Variants in RBMS1 observed in about 807,000 individuals in gnomAD.
The protein encoded by RBMS1 is RNA-binding motif, single-stranded-interacting protein 1.
RBMS1 carries 17 observed loss-of-function variants against 62.3 expected under a neutral mutation model. The ratio of observed to expected loss-of-function variants is 0.27; its 90% confidence interval spans 0.19 to 0.41. The LOEUF is 0.41. Among genes scored for constraint, RBMS1 ranks in the 10% least tolerant of loss-of-function variants. The pLI is 1.00. For missense variants in RBMS1, 334 were observed against 504.5 expected (o/e 0.66, Z 3.24); for synonymous variants, 172 against 170.0 (o/e 1.01, Z -0.09).
intron 2 of RBMS1, among the ~76,000 whole-genome samples, chr2:160,343,979 T>C (rs1692035208): frequency 1.3e-5 from 2 of 152,168 alleles, no homozygotes; most frequent in Non-Finnish European, 2.9e-5. Context: ...CTACTCTTTG[T>C]TGGCCAAATA....
At chr2:160,318,248 A>C in intron 2 of RBMS1, 21 bp from the exon 3 acceptor site, 1 of 1,515,740 alleles carries the variant, frequency 6.6e-7, no homozygotes, top group Non-Finnish European at 8.7e-7. Context: ...AAAAAAAAAA[A>C]AAAAGGAAAA....
intron 1 of RBMS1, among the ~76,000 whole-genome samples, chr2:160,449,067 C>G (rs948631112): frequency 1.1e-4 from 16 of 151,264 alleles, no homozygotes; most frequent in African/African-American, 3.9e-4. Flanking sequence ...GCAGCTGCCC[C>G]GTCTGGGAAG....
intron 1 of RBMS1, among the ~76,000 whole-genome samples, chr2:160,476,549 TTC>T (rs1491585326): frequency 1.5e-5 from 2 of 131,246 alleles, no homozygotes; most frequent in African/African-American, 5.3e-5. Flanking sequence ...CAAAACACAC[TTC>T]TTTTTTTTTT....
At chr2:160,301,270 T>C (rs1167641546) in intron 5 of RBMS1, among the ~76,000 whole-genome samples, 1 of 152,220 alleles carries the variant, frequency 6.6e-6, no homozygotes, top group Non-Finnish European at 1.5e-5. Context: ...AACTATATAC[T>C]TTCTTTGTCA....
At chr2:160,443,075 G>T (rs1018113303) in intron 1 of RBMS1, among the ~76,000 whole-genome samples, 1 of 151,888 alleles carries the variant, frequency 6.6e-6, no homozygotes, top group Admixed American at 6.6e-5. Context: ...GTGTGGTGGC[G>T]GGCACCTGTA....
intron 1 of RBMS1, chr2:160,492,927 C>CCAG (rs896984512): frequency 1.8e-5 from 4 of 219,804 alleles, no homozygotes; most frequent in African/African-American, 9.2e-5. Flanking sequence ...AGCCGGGCCA[C>CCAG]CAGCGGATCC....
At chr2:160,332,820 A>G (rs1691352204) in intron 2 of RBMS1, among the ~76,000 whole-genome samples, 1 of 151,324 alleles carries the variant, frequency 6.6e-6, no homozygotes, top group Non-Finnish European at 1.5e-5. Flanking sequence ...GCTTCTTTAC[A>G]TGACATGGTT....
rs370992536 is a variant in RBMS1 at position 160,398,791 on chromosome 2, A to G, written c.76-31400T>C. Among the ~76,000 whole-genome samples the G allele has an allele frequency of 3.9e-5, 6 of 152,100 alleles. No individual in the cohort carries two copies. The South Asian group carries it at 8.3e-4, about 21-fold the overall frequency. The stretch of plus-strand genomic sequence containing the variant: ...GTTGCAGTAACTTTTCATTTTCCCA[A>G]TCATTTACGACTAGAAGCCTACGAT... On this transcript the variant is annotated intron_variant, in intron 1 of 13. Transcript: ENST00000348849.
chr2:160,288,279 C>A (rs560144157), intron 6 of RBMS1, among the ~76,000 whole-genome samples: 1 of 152,246 alleles, frequency 6.6e-6, no homozygotes, highest in African/African-American at 2.4e-5. Flanking sequence ...TAAATAACCA[C>A]GAAGAGAAAA....
At chr2:160,307,324 G>A (rs888801493) in intron 4 of RBMS1, among the ~76,000 whole-genome samples, 2 of 145,732 alleles carry the variant, frequency 1.4e-5, no homozygotes, top group African/African-American at 5.1e-5. Context: ...ATGGAGAGGG[G>A]GGATTATATT....
At chr2:160,300,569 TC>T in intron 6 of RBMS1, 81 bp downstream of exon 6, 1 of 1,415,924 alleles carries the variant, frequency 7.1e-7, no homozygotes, top group Non-Finnish European at 9.2e-7. Flanking sequence ...GGGTTTTTGT[TC>T]TATTGAAGAG....
intron 1 of RBMS1, among the ~76,000 whole-genome samples, chr2:160,466,823 C>T (rs918994641): frequency 3.9e-5 from 6 of 152,130 alleles, no homozygotes; most frequent in Admixed American, 6.5e-5. Flanking sequence ...TGAAGTGTGA[C>T]GGAGGTTTCA....
At chr2:160,405,794 G>A (rs1695673649) in intron 1 of RBMS1, among the ~76,000 whole-genome samples, 1 of 152,050 alleles carries the variant, frequency 6.6e-6, no homozygotes, top group South Asian at 2.1e-4. Context: ...CAAAGGCCTC[G>A]CCCTCAGAGC....
chr2:160,316,490 G>A (rs977538246), intron 3 of RBMS1, among the ~76,000 whole-genome samples: 1 of 152,102 alleles, frequency 6.6e-6, no homozygotes, highest in Non-Finnish European at 1.5e-5. Flanking sequence ...TCTCTACTAT[G>A]GACCCTTACC....
At chr2:160,363,115 A>G (rs2106019729) in intron 2 of RBMS1, among the ~76,000 whole-genome samples, 1 of 152,304 alleles carries the variant, frequency 6.6e-6, no homozygotes, top group South Asian at 2.1e-4. Context: ...ACAATTTTTG[A>G]TAATAGCGTT....
At chr2:160,281,244 G>T in intron 10 of RBMS1, 70 bp downstream of exon 10, 1 of 1,273,164 alleles carries the variant, frequency 7.9e-7, no homozygotes, top group Non-Finnish European at 1.1e-6. Flanking sequence ...TTGGCAAATG[G>T]TTTTAACCTA....
chr2:160,287,125 C>T (rs757071922), intron 6 of RBMS1, 41 bp from the exon 7 acceptor site: 81 of 1,606,158 alleles, frequency 5.0e-5, no homozygotes, highest in South Asian at 2.1e-4. Context: ...CACAATGATA[C>T]GTGTATGTGG....
chr2:160,278,804 AAC>A, intron 10 of RBMS1, 146 bp from the exon 11 acceptor site: 3 of 586,364 alleles, frequency 5.1e-6, no homozygotes, highest in South Asian at 4.4e-5. Flanking sequence ...TGGCATCATA[AAC>A]AGTTTCCTAA....
At chr2:160,461,729 G>A (rs369393976) in intron 1 of RBMS1, among the ~76,000 whole-genome samples, 19 of 152,182 alleles carry the variant, frequency 1.2e-4, no homozygotes, top group African/African-American at 4.3e-4. Context: ...TACTCCATTT[G>A]GCTCACACAA....
Sources: gnomAD v4.1 joint callset for allele counts (sites outside exome capture counted in the v4.1 genomes callset) on GRCh38, gnomAD v4.1.1 for gene constraint, MANE v1.5 for transcripts, NCBI Gene and HGNC (gene_info 2026-07-23, HGNC 2026-07-21) for gene names.